HDAC9: variants seen among roughly 807,000 people sequenced by gnomAD.
The protein encoded by HDAC9 is MEF-2 interacting transcription repressor (MITR) protein.
In HDAC9, 41 loss-of-function variants were observed where a neutral mutation model predicts 139.4. That is an observed-to-expected ratio of 0.29 (90% CI 0.23 to 0.38). HDAC9 has a LOEUF of 0.38. Ranked by LOEUF, HDAC9 falls within the 10% of genes least tolerant of loss-of-function variation. The pLI is 1.00. For synonymous variants in HDAC9, 517 were observed against 476.2 expected, an observed-to-expected ratio of 1.09 and a Z score of -1.12; for missense variants, 1,147 against 1,297.0, an observed-to-expected ratio of 0.88 and a Z score of 1.78.
At chr7:18,701,049 A>T (rs934043445) in intron 12 of HDAC9, among the ~76,000 whole-genome samples, 2 of 152,150 alleles carry the variant, frequency 1.3e-5, no homozygotes, top group African/African-American at 4.8e-5. Flanking sequence ...TTGGACAGAT[A>T]CAGGACCAAA....
At chr7:18,303,042 C>T (rs187576586) in intron 1 of HDAC9, among the ~76,000 whole-genome samples, 2 of 151,780 alleles carry the variant, frequency 1.3e-5, no homozygotes, top group East Asian at 1.9e-4. Flanking sequence ...CATGATTTTA[C>T]TGGATGCAGT....
chr7:18,658,899 CA>C (rs11306117), intron 11 of HDAC9, among the ~76,000 whole-genome samples: 24,431 of 118,038 alleles, frequency 0.21, 3,024 homozygotes, highest in East Asian at 0.43. Context: ...AAAAAAAAAG[CA>C]AAAAAAAAAA....
intron 1 of HDAC9, among the ~76,000 whole-genome samples, chr7:18,455,280 TA>T (rs559841559): frequency 2.4e-4 from 37 of 151,318 alleles, no homozygotes; most frequent in Non-Finnish European, 4.3e-4. Flanking sequence ...AAATAGCTTT[TA>T]AAAAAAAAGT....
intron 1 of HDAC9, among the ~76,000 whole-genome samples, chr7:18,149,915 T>C (rs1335054103): frequency 6.6e-6 from 1 of 152,130 alleles, no homozygotes; most frequent in African/African-American, 2.4e-5. Context: ...CAGGCTGATC[T>C]TGAACTCCTG....
intron 2 of HDAC9, 134 bp from the exon 3 acceptor site, chr7:18,585,147 A>T: frequency 1.1e-6 from 1 of 934,212 alleles, no homozygotes. Context: ...ATTGTAAAGA[A>T]ATGGCTAGAG....
chr7:18,097,614 C>A (rs1404041736), intron 1 of HDAC9, among the ~76,000 whole-genome samples: 2 of 152,146 alleles, frequency 1.3e-5, no homozygotes, highest in African/African-American at 4.8e-5. Flanking sequence ...GTCACACAGG[C>A]TATAATGCAG....
chr7:18,854,209 C>G (rs758816151), intron 21 of HDAC9, among the ~76,000 whole-genome samples: 1 of 152,106 alleles, frequency 6.6e-6, no homozygotes, highest in East Asian at 1.9e-4. Context: ...GGGTATTTGG[C>G]AAGCATGTCA....
At chr7:18,728,069 C>T (rs1785700868) in intron 13 of HDAC9, among the ~76,000 whole-genome samples, 1 of 152,196 alleles carries the variant, frequency 6.6e-6, no homozygotes. Flanking sequence ...TCTACTCTTA[C>T]CTTCTGCCCA....
At chr7:18,528,667 T>C (rs1807756766) in intron 2 of HDAC9, among the ~76,000 whole-genome samples, 1 of 152,168 alleles carries the variant, frequency 6.6e-6, no homozygotes, top group South Asian at 2.1e-4. Context: ...ATTTTACCAA[T>C]TTACAAATAC....
At chr7:18,627,913 C>T (rs1475239085) in intron 6 of HDAC9, among the ~76,000 whole-genome samples, 1 of 151,772 alleles carries the variant, frequency 6.6e-6, no homozygotes, top group East Asian at 1.9e-4. Flanking sequence ...TCCTATTTCA[C>T]CAAGCCAATT....
At chr7:18,739,210 C>G (rs1469095733) in intron 13 of HDAC9, among the ~76,000 whole-genome samples, 1 of 152,160 alleles carries the variant, frequency 6.6e-6, no homozygotes. Context: ...TTCGAACAAG[C>G]TCCTTTAGCT....
chr7:18,873,357 A>G (rs1171819971), intron 21 of HDAC9, among the ~76,000 whole-genome samples: 1 of 152,132 alleles, frequency 6.6e-6, no homozygotes, highest in South Asian at 2.1e-4. Context: ...GAAGGATAGA[A>G]TTTTTATGAC....
chr7:18,727,880 C>T, intron 13 of HDAC9, 123 bp downstream of exon 13: 2 of 691,158 alleles, frequency 2.9e-6, no homozygotes, highest in Non-Finnish European at 2.2e-6. Context: ...CCAGTGCAAC[C>T]CAAATTTTAC....
chr7:18,393,717 A>G (rs919045325), intron 1 of HDAC9, among the ~76,000 whole-genome samples: 1 of 152,082 alleles, frequency 6.6e-6, no homozygotes, highest in African/African-American at 2.4e-5. Context: ...TTAATACCCT[A>G]GATGCTGAAA....
intron 12 of HDAC9, among the ~76,000 whole-genome samples, chr7:18,686,189 A>G (rs950682569): frequency 1.3e-4 from 20 of 151,984 alleles, no homozygotes; most frequent in African/African-American, 4.8e-4. Context: ...AAACTATTCA[A>G]TGTAACTTCA....
chr7:18,979,765 G>A (rs1231531941), intron 25 of HDAC9, among the ~76,000 whole-genome samples: 1 of 152,162 alleles, frequency 6.6e-6, no homozygotes, highest in East Asian at 1.9e-4. Flanking sequence ...AAACAAGAGA[G>A]AGAGTGGAGG....
chr7:18,946,484 A>T (rs1782412564), intron 23 of HDAC9, among the ~76,000 whole-genome samples: 1 of 152,164 alleles, frequency 6.6e-6, no homozygotes, highest in African/African-American at 2.4e-5. Flanking sequence ...ATCCACAAGA[A>T]CTAACTGAAG....
chr7:18,669,517 G>T (rs1411640447), intron 12 of HDAC9, among the ~76,000 whole-genome samples: 1 of 151,862 alleles, frequency 6.6e-6, no homozygotes, highest in East Asian at 1.9e-4. Context: ...TATAATTATT[G>T]ACTGTTACAG....
intron 23 of HDAC9, among the ~76,000 whole-genome samples, chr7:18,945,350 T>C (rs1047894781): frequency 2.0e-5 from 3 of 152,236 alleles, no homozygotes; most frequent in Admixed American, 6.5e-5. Flanking sequence ...TTCAAAACTT[T>C]GGTCCACCTT....
Sources: allele counts gnomAD v4.1 joint callset (sites outside exome capture counted in the v4.1 genomes callset), GRCh38; gene constraint gnomAD v4.1.1; transcripts MANE v1.5; gene names NCBI Gene and HGNC (gene_info 2026-07-23, HGNC 2026-07-21).